Variants in DHX57 observed in about 807,000 individuals in gnomAD.
DHX57 encodes the protein DExH-box helicase 57, also known as putative ATP-dependent RNA helicase DHX57.
DHX57 carries 105 observed loss-of-function variants against 156.2 expected under a neutral mutation model. That is an observed-to-expected ratio of 0.67 (90% CI 0.57 to 0.79). The LOEUF (loss-of-function observed/expected upper bound fraction) is 0.79, where lower values mean the gene tolerates loss of function less well. DHX57 is among the 30% of genes least tolerant of loss of function. The probability of loss-of-function intolerance (pLI) is 0.00; values close to 1 mark genes in which losing one functional copy is unlikely to be tolerated. For missense variants in DHX57, 1,847 were observed against 1,661.9 expected, an observed-to-expected ratio of 1.11 and a Z score of -1.94; for synonymous variants, 704 against 595.6, an observed-to-expected ratio of 1.18 and a Z score of -2.65.
chr2:38,845,926 C>T (rs1037959779), intron 11 of DHX57, among the ~76,000 whole-genome samples: 1 of 148,634 alleles, frequency 6.7e-6, no homozygotes, highest in African/African-American at 2.5e-5. Flanking sequence ...AGTGCAATGG[C>T]GTGGTCTCAG....
At chr2:38,813,760 T>G in intron 21 of DHX57, 61 bp downstream of exon 21, 1 of 1,569,450 alleles carries the variant, frequency 6.4e-7, no homozygotes, top group Non-Finnish European at 8.8e-7. Flanking sequence ...CATCTTAACT[T>G]ACATCACTTG....
intron 22 of DHX57, 27 bp from the exon 23 acceptor site, chr2:38,802,942 C>A: frequency 6.2e-7 from 1 of 1,613,008 alleles, no homozygotes; most frequent in Non-Finnish European, 8.5e-7. Flanking sequence ...CAGATGATGA[C>A]AGTGATGTCA....
chr2:38,812,813 G>A (rs1306336168), intron 21 of DHX57, among the ~76,000 whole-genome samples: 2 of 152,048 alleles, frequency 1.3e-5, no homozygotes, highest in East Asian at 1.9e-4. Context: ...GATTACAGGC[G>A]TGAGCCATCG....
chr2:38,842,931 C>G, intron 12 of DHX57, 74 bp downstream of exon 12: 1 of 1,496,432 alleles, frequency 6.7e-7, no homozygotes, highest in Non-Finnish European at 9.2e-7. Context: ...TATTTTTCTT[C>G]TTCCGAATCT....
chr2:38,851,434 A>T (rs560989650), intron 9 of DHX57, among the ~76,000 whole-genome samples: 55 of 152,178 alleles, frequency 3.6e-4, no homozygotes, highest in Non-Finnish European at 7.1e-4. Flanking sequence ...TTGTTCCTAG[A>T]TTTTATTAGT....
chr2:38,865,630 C>T (rs1316875997), intron 2 of DHX57, among the ~76,000 whole-genome samples: 2 of 152,136 alleles, frequency 1.3e-5, no homozygotes, highest in Non-Finnish European at 1.5e-5. Flanking sequence ...ATATCTAACA[C>T]CTCACACATT....
intron 20 of DHX57, among the ~76,000 whole-genome samples, chr2:38,815,110 A>G (rs868096155): frequency 3.3e-5 from 5 of 151,226 alleles, no homozygotes; most frequent in Admixed American, 1.3e-4. Flanking sequence ...TCTGTTGCCC[A>G]GGCTAGAGTG....
chr2:38,827,077 G>C (rs1260002836), intron 14 of DHX57, among the ~76,000 whole-genome samples: 1 of 152,072 alleles, frequency 6.6e-6, no homozygotes, highest in African/African-American at 2.4e-5. Flanking sequence ...GTTGCAGTGA[G>C]CTGACATCCT....
chr2:38,817,898 A>G (rs1411134342), intron 19 of DHX57, among the ~76,000 whole-genome samples: 1 of 151,218 alleles, frequency 6.6e-6, no homozygotes, highest in Non-Finnish European at 1.5e-5. Context: ...GGGTTTTGCC[A>G]TGTTTCCGAG....
intron 17 of DHX57, 36 bp downstream of exon 17, chr2:38,822,957 T>TA: frequency 6.2e-7 from 1 of 1,602,564 alleles, no homozygotes; most frequent in Non-Finnish European, 8.5e-7. Context: ...ATGGTCCTCT[T>TA]AGAGACTCCA....
At chr2:38,859,586 C>G (rs908112096) in intron 5 of DHX57, among the ~76,000 whole-genome samples, 1 of 152,050 alleles carries the variant, frequency 6.6e-6, no homozygotes, top group Non-Finnish European at 1.5e-5. Context: ...AAGTGCATGA[C>G]ACATAATTTT....
At position 38,868,019 on chromosome 2, in the gene DHX57, C is replaced by A. The variant is rs1402316092; in HGVS notation, c.224+163G>T. Among the ~76,000 whole-genome samples, 3 of 152,194 alleles carry A rather than the reference C, an allele frequency of 2.0e-5. No individual in the cohort carries two copies. The East Asian group carries it at 5.8e-4, about 29-fold the overall frequency. On this transcript the variant is annotated intron_variant, in intron 2 of 23. Coordinates refer to ENST00000457308, the MANE Select transcript of DHX57 (RefSeq NM_198963.3). ...CAGTGTCATGCAACCTACATACACA[C>A]AAAAGCTGTTATTTCCCATCATGTC...
At chr2:38,845,967 G>C (rs898192655) in intron 11 of DHX57, among the ~76,000 whole-genome samples, 1 of 151,358 alleles carries the variant, frequency 6.6e-6, no homozygotes. Context: ...CCAGGTTCAA[G>C]CGATTCTCCT....
chr2:38,828,301 G>A (rs1671208147), intron 14 of DHX57, 39 bp downstream of exon 14: 5 of 1,512,584 alleles, frequency 3.3e-6, no homozygotes, highest in African/African-American at 1.4e-5. Flanking sequence ...AGAGGTAACT[G>A]CAATGGATGA....
chr2:38,839,971 G>A (rs191208577), intron 12 of DHX57, among the ~76,000 whole-genome samples: 1 of 152,258 alleles, frequency 6.6e-6, no homozygotes, highest in South Asian at 2.1e-4. Context: ...TATTGAGACA[G>A]GGTCTCACTC....
chr2:38,861,437 C>T lies in DHX57; in HGVS notation c.973G>A (p.Val325Met). 3 of 1,614,062 alleles carry T rather than the reference C, an allele frequency of 1.9e-6. No individual in the cohort carries two copies. The highest frequency in any genetic ancestry group is 2.5e-6 in the Non-Finnish European group (3 of 1,180,030). Reference protein sequence around the residue: ...FGSKCRFKHEVPPNQIVGRIE... With the variant: ...FGSKCRFKHEMPPNQIVGRIE... ...CTTCCAACAATTTGATTTGGGGGCA[C>T]TTCATGTTTGAATCTGCATTTTGAT... Residue 325 changes from valine (V) to methionine (M), a missense_variant, in exon 5 of 24, where the codon GTG (valine) becomes ATG (methionine). Physicochemically the swap from Val to Met is conservative, Grantham distance 21. Transcript: ENST00000457308.
intron 20 of DHX57, among the ~76,000 whole-genome samples, chr2:38,814,227 T>C (rs1274524222): frequency 6.6e-6 from 1 of 152,188 alleles, no homozygotes; most frequent in Non-Finnish European, 1.5e-5. Flanking sequence ...CGTGAGCCAC[T>C]GCGTCTGGCT....
chr2:38,870,380 A>G (rs757195032), intron 1 of DHX57, among the ~76,000 whole-genome samples: 1 of 152,252 alleles, frequency 6.6e-6, no homozygotes, highest in Non-Finnish European at 1.5e-5. Flanking sequence ...GCCTCCAACT[A>G]TTAGAAAATA....
intron 11 of DHX57, among the ~76,000 whole-genome samples, chr2:38,844,052 G>T (rs898913624): frequency 2.0e-5 from 3 of 152,100 alleles, no homozygotes; most frequent in Admixed American, 6.5e-5. Context: ...TTAAAAAAAA[G>T]ATTTAAAAAC....
Sources: allele counts gnomAD v4.1 joint callset (sites outside exome capture counted in the v4.1 genomes callset), GRCh38; gene constraint gnomAD v4.1.1; transcripts MANE v1.5; gene names NCBI Gene and HGNC (gene_info 2026-07-23, HGNC 2026-07-21).